REEP5: variants seen among roughly 807,000 people sequenced by gnomAD.
REEP5 encodes receptor accessory protein 5.
Under a neutral mutation model 22.4 loss-of-function variants are expected in REEP5, and 24 were observed. The ratio of observed to expected loss-of-function variants is 1.07; its 90% CI spans 0.78 to 1.51. The LOEUF is 1.51. REEP5 is among the 40% of genes most tolerant of loss of function. The pLI, the probability that REEP5 is intolerant of heterozygous loss-of-function variation, is 0.00. For synonymous variants in REEP5, 103 were observed against 88.6 expected (o/e 1.16, Z -0.92); for missense variants, 252 against 233.0 (o/e 1.08, Z -0.53).
At chr5:112,906,822 T>C (rs974034276) in intron 2 of REEP5, among the ~76,000 whole-genome samples, 1 of 152,174 alleles carries the variant, frequency 6.6e-6, no homozygotes, top group African/African-American at 2.4e-5. Context: ...GTTCCAGTCT[T>C]CACAGCACCT....
chr5:112,893,807 G>C (rs1246973205), intron 3 of REEP5: 2 of 152,236 alleles, frequency 1.3e-5, no homozygotes, highest in Admixed American at 6.5e-5. Context: ...AGCGCCTTGA[G>C]GTACCCTCAG....
intron 3 of REEP5, 83 bp downstream of exon 3, chr5:112,902,297 G>C: frequency 7.4e-7 from 1 of 1,344,984 alleles, no homozygotes; most frequent in Non-Finnish European, 1.0e-6. Flanking sequence ...CAGAGCCACA[G>C]ATGCACAACA....
intron 2 of REEP5, among the ~76,000 whole-genome samples, chr5:112,906,808 C>A (rs1768965254): frequency 6.6e-6 from 1 of 152,158 alleles, no homozygotes; most frequent in Non-Finnish European, 1.5e-5. Flanking sequence ...GAAACCACCT[C>A]AAAGTTCCAG....
At chr5:112,892,495 C>T (rs1768506946) in intron 3 of REEP5, 1 of 1,614,054 alleles carries the variant, frequency 6.2e-7, no homozygotes, top group African/African-American at 1.3e-5. Flanking sequence ...AGAAGAATGC[C>T]AAGCAGCCCT....
intron 4 of REEP5, chr5:112,885,057 C>A (rs1465996446): frequency 6.5e-6 from 1 of 153,824 alleles, no homozygotes; most frequent in African/African-American, 2.4e-5. Context: ...GCATACTGAA[C>A]CGATCAATCT....
At chr5:112,887,695 A>T (rs951557763) in intron 3 of REEP5, among the ~76,000 whole-genome samples, 6 of 152,200 alleles carry the variant, frequency 3.9e-5, no homozygotes, top group African/African-American at 1.4e-4. Flanking sequence ...GGTAGATCTT[A>T]GCCTTCAAGG....
chr5:112,907,102 A>G (rs1487340137), intron 2 of REEP5, among the ~76,000 whole-genome samples: 2 of 152,248 alleles, frequency 1.3e-5, no homozygotes, highest in Non-Finnish European at 2.9e-5. Flanking sequence ...GATTTCAAGA[A>G]CTGCATCTAA....
chr5:112,879,858 C>T (rs12152818), intron 4 of REEP5, among the ~76,000 whole-genome samples: 2 of 151,776 alleles, frequency 1.3e-5, no homozygotes, highest in Non-Finnish European at 2.9e-5. Flanking sequence ...GTGGGAAGAT[C>T]GCTTGAAGCC....
At chr5:112,917,018 A>G (rs1769246440) in intron 2 of REEP5, among the ~76,000 whole-genome samples, 1 of 152,250 alleles carries the variant, frequency 6.6e-6, no homozygotes, top group Non-Finnish European at 1.5e-5. Flanking sequence ...CACCAGCAGC[A>G]AAAGTTTAAA....
At chr5:112,918,203 T>C (rs1302219437) in intron 2 of REEP5, among the ~76,000 whole-genome samples, 1 of 152,122 alleles carries the variant, frequency 6.6e-6, no homozygotes, top group African/African-American at 2.4e-5. Flanking sequence ...TGAAAGACCC[T>C]GTTCTCAAAG....
chr5:112,921,531 G>C (rs972342763), intron 1 of REEP5: 3 of 516,660 alleles, frequency 5.8e-6, no homozygotes, highest in Non-Finnish European at 1.1e-5. Context: ...CGCCCGGGAC[G>C]GTCCCAGGCA....
intron 3 of REEP5, chr5:112,894,839 C>T (rs1768629558): frequency 1.3e-5 from 2 of 152,126 alleles, no homozygotes; most frequent in Non-Finnish European, 2.9e-5. Context: ...TGTATTCCTA[C>T]ATAGAATATC....
In REEP5 at chr5:112,922,063, G is replaced by T; in HGVS notation, c.118+10C>A. ...GGCCCTACCAGCGGCGGCGACCCCC[G>T]GCCACCCACCAAGAGCGATGAAGCT... On this transcript the variant is annotated intron_variant, in intron 1 of 4. Transcript: ENST00000379638. The T allele has an allele frequency of 6.3e-7, 1 of 1,582,434 alleles. No homozygotes were observed. The highest frequency in any genetic ancestry group is 8.6e-7 in the Non-Finnish European group (1 of 1,165,160).
chr5:112,883,667 C>T (rs1051311171), intron 4 of REEP5, among the ~76,000 whole-genome samples: 11 of 152,144 alleles, frequency 7.2e-5, no homozygotes, highest in African/African-American at 2.4e-4. Flanking sequence ...CAGTCCAGAC[C>T]TGTTTCTTGA....
intron 4 of REEP5, among the ~76,000 whole-genome samples, chr5:112,884,080 C>G (rs1458870835): frequency 1.3e-5 from 2 of 152,216 alleles, no homozygotes; most frequent in African/African-American, 4.8e-5. Flanking sequence ...TCCTGCCTTA[C>G]CCCTTCAGTC....
At chr5:112,904,047 G>A (rs960439714) in intron 2 of REEP5, among the ~76,000 whole-genome samples, 1 of 152,162 alleles carries the variant, frequency 6.6e-6, no homozygotes, top group Admixed American at 6.5e-5. Context: ...GCCCAGGCTG[G>A]TCTCGAACTC....
intron 4 of REEP5, among the ~76,000 whole-genome samples, chr5:112,886,179 T>G (rs1768237305): frequency 6.6e-6 from 1 of 152,240 alleles, no homozygotes; most frequent in African/African-American, 2.4e-5. Context: ...CTGCCTGCGC[T>G]TCATTCAAAA....
intron 2 of REEP5, among the ~76,000 whole-genome samples, chr5:112,907,397 C>T (rs1768978849): frequency 6.6e-6 from 1 of 152,224 alleles, no homozygotes. Context: ...GTTCTAAAGC[C>T]TGGCCGCCTA....
Position 112,921,605 on chromosome 5 carries a change from G to C in REEP5, c.119-349C>G, listed in dbSNP as rs999217551. On this transcript the variant is annotated intron_variant, in intron 1 of 4. Transcript: ENST00000379638. ...TCCAGCCTGGGAAGCTGCGCTCAGC[G>C]GGGAGCGTCCCGAGAGGCCCGGACT... The C allele has an allele frequency of 2.3e-4, 77 of 329,190 alleles. No individual in the cohort carries two copies. In the East Asian group the frequency reaches 4.9e-3, roughly 21 times the overall value. The allele number at this position is 329,190 out of a possible 1,614,324, so 20.4% of individuals were successfully genotyped here.
Sources: gnomAD v4.1 joint callset for allele counts (sites outside exome capture counted in the v4.1 genomes callset) on GRCh38, gnomAD v4.1.1 for gene constraint, MANE v1.5 for transcripts, NCBI Gene and HGNC (gene_info 2026-07-23, HGNC 2026-07-21) for gene names.